The following B3GALT1 variants were observed in gnomAD, a reference collection of about 807,000 sequenced individuals.
The protein encoded by B3GALT1 is beta-1,3-galactosyltransferase 1.
A neutral mutation model predicts 23.2 loss-of-function variants in B3GALT1; 10 were observed. The ratio of observed to expected loss-of-function variants is 0.43; its 90% CI spans 0.27 to 0.73. The LOEUF (loss-of-function observed/expected upper bound fraction) is 0.73, where lower values mean the gene tolerates loss of function less well. Ranked by LOEUF, B3GALT1 falls within the 30% of genes least tolerant of loss-of-function variation. The pLI is 0.21. For missense variants in B3GALT1, 299 were observed against 405.4 expected (o/e 0.74, Z 2.25); for synonymous variants, 156 against 141.5 (o/e 1.10, Z -0.73).
intron 1 of B3GALT1, among the ~76,000 whole-genome samples, chr2:167,396,791 CA>C (rs1698106162): frequency 6.6e-6 from 1 of 151,760 alleles, no homozygotes; most frequent in Admixed American, 6.6e-5. Flanking sequence ...GTAGTATTTC[CA>C]AAAACTAATG....
intron 1 of B3GALT1, among the ~76,000 whole-genome samples, chr2:167,305,508 T>C (rs1056905044): frequency 5.3e-5 from 8 of 152,040 alleles, no homozygotes; most frequent in African/African-American, 1.9e-4. Flanking sequence ...AGAAGTGGAG[T>C]TGCTAATTTA....
At chr2:167,631,044 TA>T (rs1199245585) in intron 2 of B3GALT1, among the ~76,000 whole-genome samples, 3 of 151,880 alleles carry the variant, frequency 2.0e-5, no homozygotes, top group Non-Finnish European at 4.4e-5. Flanking sequence ...ACTTTTCACT[TA>T]ACTTTGCTCA....
intron 3 of B3GALT1, among the ~76,000 whole-genome samples, chr2:167,803,884 A>AT (rs1383946966): frequency 6.6e-6 from 1 of 152,120 alleles, no homozygotes; most frequent in Non-Finnish European, 1.5e-5. Context: ...AAAGAGTTGT[A>AT]TTTTACGTTA....
At chr2:167,548,161 C>T (rs1683675272) in intron 2 of B3GALT1, among the ~76,000 whole-genome samples, 1 of 152,238 alleles carries the variant, frequency 6.6e-6, no homozygotes, top group Middle Eastern at 3.4e-3. Context: ...AAAAAGCAAG[C>T]AGAGAGAAAG....
intron 2 of B3GALT1, among the ~76,000 whole-genome samples, chr2:167,530,129 G>A (rs568451267): frequency 4.0e-5 from 6 of 151,580 alleles, no homozygotes; most frequent in East Asian, 2.0e-4. Context: ...ATCTCTACTT[G>A]GACTCCTCTT....
intron 3 of B3GALT1, among the ~76,000 whole-genome samples, chr2:167,771,914 G>A (rs1457747473): frequency 6.6e-6 from 1 of 152,158 alleles, no homozygotes; most frequent in Non-Finnish European, 1.5e-5. Flanking sequence ...AAGCAGATAC[G>A]CTAACCAATA....
chr2:167,782,675 T>C (rs1281277190), intron 3 of B3GALT1, among the ~76,000 whole-genome samples: 2 of 152,192 alleles, frequency 1.3e-5, no homozygotes, highest in Non-Finnish European at 2.9e-5. Context: ...CCTTCCCAGC[T>C]CCTGGGGGGG....
intron 2 of B3GALT1, among the ~76,000 whole-genome samples, chr2:167,561,147 A>T (rs1683978365): frequency 6.6e-6 from 1 of 152,234 alleles, no homozygotes; most frequent in Non-Finnish European, 1.5e-5. Context: ...AGGATTAAGA[A>T]ACTCACTCAA....
intron 1 of B3GALT1, among the ~76,000 whole-genome samples, chr2:167,343,481 T>A (rs1403900): frequency 1.7e-4 from 26 of 152,158 alleles, no homozygotes; most frequent in African/African-American, 5.3e-4. Flanking sequence ...TTTAAGCAAC[T>A]ACACTGACAT....
At position 167,508,602 on chromosome 2, in the gene B3GALT1, G is replaced by T. The variant is rs146386966; in HGVS notation, c.-410+18325G>T. Among the ~76,000 whole-genome samples, 732 of 152,068 alleles carry T rather than the reference G, an allele frequency of 4.8e-3. 2 individuals carry two copies. Among genetic ancestry groups the T allele is most frequent in the Non-Finnish European group, 7.0e-3 (474 of 67,968 alleles). ...TTTTCTCAGTCAATGAATACTAAAAGTTATGCTCTAAAATTGAACTTTTTT... is the reference window on the plus strand; with the variant it reads ...TTTTCTCAGTCAATGAATACTAAAATTTATGCTCTAAAATTGAACTTTTTT... On this transcript the variant is annotated intron_variant, in intron 2 of 4. Transcript: ENST00000392690.
chr2:167,506,014 C>T (rs1215496120), intron 2 of B3GALT1, among the ~76,000 whole-genome samples: 1 of 151,968 alleles, frequency 6.6e-6, no homozygotes, highest in African/African-American at 2.4e-5. Context: ...GAGCCAAGAT[C>T]GTGCCACTGC....
chr2:167,575,863 T>C (rs1265983937), intron 2 of B3GALT1, among the ~76,000 whole-genome samples: 2 of 151,740 alleles, frequency 1.3e-5, no homozygotes, highest in African/African-American at 4.8e-5. Flanking sequence ...CCCCAAATGT[T>C]TTCAAAACAG....
At chr2:167,802,667 A>G (rs938777968) in intron 3 of B3GALT1, among the ~76,000 whole-genome samples, 1 of 152,160 alleles carries the variant, frequency 6.6e-6, no homozygotes, top group South Asian at 2.1e-4. Context: ...AAATCCTATT[A>G]TATCTATTAT....
chr2:167,518,605 T>C (rs987311816), intron 2 of B3GALT1, among the ~76,000 whole-genome samples: 1 of 152,202 alleles, frequency 6.6e-6, no homozygotes, highest in Non-Finnish European at 1.5e-5. Flanking sequence ...CAGGAACTGT[T>C]CTTACAAAGT....
chr2:167,335,983 A>G (rs769510882), intron 1 of B3GALT1, among the ~76,000 whole-genome samples: 4 of 152,112 alleles, frequency 2.6e-5, no homozygotes, highest in Non-Finnish European at 5.9e-5. Flanking sequence ...GCTGGGGAGT[A>G]AAAATGGGAG....
chr2:167,422,157 A>G (rs1189542194), intron 1 of B3GALT1, among the ~76,000 whole-genome samples: 1 of 151,666 alleles, frequency 6.6e-6, no homozygotes, highest in African/African-American at 2.4e-5. Context: ...GGAAAGGAAG[A>G]GGAAGGAGAA....
At chr2:167,851,485 G>A (rs868122791) in intron 4 of B3GALT1, among the ~76,000 whole-genome samples, 1 of 152,172 alleles carries the variant, frequency 6.6e-6, no homozygotes, top group African/African-American at 2.4e-5. Context: ...TGTGAGCCAT[G>A]TTATGTCTCC....
At chr2:167,678,592 A>AT (rs1215408061) in intron 3 of B3GALT1, among the ~76,000 whole-genome samples, 1 of 152,210 alleles carries the variant, frequency 6.6e-6, no homozygotes, top group East Asian at 1.9e-4. Flanking sequence ...CAAATGAGTG[A>AT]TTTTTTCATG....
chr2:167,714,925 C>T (rs566553983), intron 3 of B3GALT1: 1 of 1,611,492 alleles, frequency 6.2e-7, no homozygotes, highest in African/African-American at 1.3e-5. Flanking sequence ...TTTTAAGTTT[C>T]TGTTGAAGCT....
Sources: gnomAD v4.1 joint callset for allele counts (sites outside exome capture counted in the v4.1 genomes callset) on GRCh38, gnomAD v4.1.1 for gene constraint, MANE v1.5 for transcripts, NCBI Gene and HGNC (gene_info 2026-07-23, HGNC 2026-07-21) for gene names.